The following ATXN7L1 variants were observed in gnomAD, a reference collection of about 807,000 sequenced individuals.
ATXN7L1 encodes ataxin 7 like 1.
A neutral mutation model predicts 70.8 loss-of-function variants in ATXN7L1; 15 were observed. The ratio of observed to expected loss-of-function variants is 0.21; its 90% CI spans 0.14 to 0.33. The LOEUF is 0.33. Ranked by LOEUF, ATXN7L1 falls within the 10% of genes least tolerant of loss-of-function variation. The probability of loss-of-function intolerance (pLI) is 1.00; values close to 1 mark genes in which losing one functional copy is unlikely to be tolerated. For synonymous variants in ATXN7L1, 440 were observed against 445.1 expected, an observed-to-expected ratio of 0.99 and a Z score of 0.14; for missense variants, 975 against 1,097.1, an observed-to-expected ratio of 0.89 and a Z score of 1.57.
intron 3 of ATXN7L1, among the ~76,000 whole-genome samples, chr7:105,703,731 G>A (rs1012179769): frequency 6.6e-6 from 1 of 152,182 alleles, no homozygotes; most frequent in Non-Finnish European, 1.5e-5. Flanking sequence ...ACCAAATCTG[G>A]ATGGTTTATG....
rs1562967665 is a variant in ATXN7L1, at chr7:105,662,075, CTTCCTTCT to C, written c.578+2983_578+2990del. On this transcript the variant is annotated intron_variant, in intron 4 of 11. Transcript: ENST00000419735. ...CCTTCCTTCCTTCCTTCCTTCCTTC[CTTCCTTCT>C]TTCTTTTCTTTTCTTTTCTTTTCTT... Among the ~76,000 whole-genome samples, 159 of 77,028 alleles carry C rather than the reference CTTCCTTCT, an allele frequency of 2.1e-3. 1 individual carries two copies. The highest frequency in any genetic ancestry group is 5.8e-3 in the African/African-American group (141 of 24,340). The allele number at this position is 77,028 out of a possible 152,430, so 50.5% of individuals were successfully genotyped here. A position where few individuals can be genotyped will look rare whatever the true frequency, so the allele number is the denominator to read the frequency against.
chr7:105,695,011 C>G (rs77245911), intron 3 of ATXN7L1, among the ~76,000 whole-genome samples: 9 of 152,164 alleles, frequency 5.9e-5, no homozygotes, highest in African/African-American at 2.2e-4. Flanking sequence ...ATTAGTTGGG[C>G]GTGGTGGCCG....
chr7:105,700,538 A>AG (rs1792317690), intron 3 of ATXN7L1, among the ~76,000 whole-genome samples: 1 of 148,392 alleles, frequency 6.7e-6, no homozygotes, highest in Admixed American at 6.7e-5. Flanking sequence ...AAAAAAGACA[A>AG]GGTCTCCTGG....
chr7:105,774,278 T>C (rs1802415151), intron 3 of ATXN7L1, among the ~76,000 whole-genome samples: 1 of 151,982 alleles, frequency 6.6e-6, no homozygotes, highest in Admixed American at 6.6e-5. Flanking sequence ...TTGGAGCTAG[T>C]GTCACTATCA....
intron 2 of ATXN7L1, among the ~76,000 whole-genome samples, chr7:105,810,453 A>G (rs1426403994): frequency 6.6e-6 from 1 of 152,242 alleles, no homozygotes; most frequent in Non-Finnish European, 1.5e-5. Flanking sequence ...GTAAAGTGTT[A>G]TAAAAAAACA....
At chr7:105,703,764 A>C (rs1234078913) in intron 3 of ATXN7L1, among the ~76,000 whole-genome samples, 1 of 152,196 alleles carries the variant, frequency 6.6e-6, no homozygotes, top group African/African-American at 2.4e-5. Flanking sequence ...TGCTTTGGGA[A>C]AACAGTGTAA....
chr7:105,795,936 T>C (rs1157744768), intron 2 of ATXN7L1, among the ~76,000 whole-genome samples: 3 of 152,236 alleles, frequency 2.0e-5, no homozygotes, highest in Non-Finnish European at 4.4e-5. Context: ...AACATAATTT[T>C]ATATAATTTA....
intron 3 of ATXN7L1, among the ~76,000 whole-genome samples, chr7:105,728,321 T>C (rs1796147310): frequency 6.6e-6 from 1 of 152,206 alleles, no homozygotes; most frequent in South Asian, 2.1e-4. Flanking sequence ...CCATGGGTTA[T>C]AATTCTCATA....
At chr7:105,764,392 G>A (rs969250154) in intron 3 of ATXN7L1, among the ~76,000 whole-genome samples, 2 of 151,902 alleles carry the variant, frequency 1.3e-5, no homozygotes, top group East Asian at 1.9e-4. Context: ...CAGCATCAGC[G>A]TCATCTGGGG....
At chr7:105,861,619 T>C (rs1816657898) in intron 2 of ATXN7L1, among the ~76,000 whole-genome samples, 1 of 152,038 alleles carries the variant, frequency 6.6e-6, no homozygotes, top group South Asian at 2.1e-4. Flanking sequence ...ATGAGCACTC[T>C]GTGGAGGAGA....
At chr7:105,650,882 T>C (rs1352675990) in intron 4 of ATXN7L1, among the ~76,000 whole-genome samples, 3 of 152,234 alleles carry the variant, frequency 2.0e-5, no homozygotes, top group Admixed American at 6.5e-5. Context: ...TATGACTGAA[T>C]TGAAGGTCTG....
chr7:105,863,601 G>A (rs79389912), intron 2 of ATXN7L1, among the ~76,000 whole-genome samples: 3,893 of 152,234 alleles, frequency 0.026, 67 homozygotes, highest in East Asian at 0.065. Flanking sequence ...CAGACATCAG[G>A]ACACAGTGCT....
intron 3 of ATXN7L1, among the ~76,000 whole-genome samples, chr7:105,694,707 G>A (rs1791482160): frequency 6.6e-6 from 1 of 152,208 alleles, no homozygotes; most frequent in Non-Finnish European, 1.5e-5. Context: ...GGGATTTGGA[G>A]AGGCTATGTG....
At chr7:105,737,118 G>A (rs1241697632) in intron 3 of ATXN7L1, among the ~76,000 whole-genome samples, 2 of 152,106 alleles carry the variant, frequency 1.3e-5, no homozygotes, top group Non-Finnish European at 2.9e-5. Context: ...TATGATTATT[G>A]GTCTATTCAG....
chr7:105,854,260 G>T (rs917875257), intron 2 of ATXN7L1, among the ~76,000 whole-genome samples: 2 of 151,916 alleles, frequency 1.3e-5, no homozygotes, highest in Admixed American at 6.6e-5. Context: ...AGGAAATGGC[G>T]GCAAGGAAAA....
chr7:105,876,006 T>C (rs1819221430), intron 1 of ATXN7L1, 126 bp from the exon 2 acceptor site: 5 of 904,070 alleles, frequency 5.5e-6, no homozygotes, highest in Non-Finnish European at 8.6e-6. Context: ...TATGAAATTC[T>C]TTCAAAAATT....
intron 8 of ATXN7L1, among the ~76,000 whole-genome samples, chr7:105,621,601 T>C (rs776043568): frequency 3.7e-4 from 56 of 152,168 alleles, no homozygotes; most frequent in Non-Finnish European, 6.2e-4. Context: ...TAATAAACAT[T>C]TGATTATGAT....
At chr7:105,655,523 T>C (rs1479908284) in intron 4 of ATXN7L1, among the ~76,000 whole-genome samples, 2 of 151,836 alleles carry the variant, frequency 1.3e-5, no homozygotes, top group African/African-American at 4.8e-5. Flanking sequence ...TGCTGAGGAA[T>C]GCAGGGCAGT....
intron 2 of ATXN7L1, among the ~76,000 whole-genome samples, chr7:105,871,668 C>T (rs1005285605): frequency 6.6e-6 from 1 of 151,360 alleles, no homozygotes; most frequent in Non-Finnish European, 1.5e-5. Flanking sequence ...CAAGATCATG[C>T]CATTGCACTC....
Sources: gnomAD v4.1 joint callset for allele counts (sites outside exome capture counted in the v4.1 genomes callset) on GRCh38, gnomAD v4.1.1 for gene constraint, MANE v1.5 for transcripts, NCBI Gene and HGNC (gene_info 2026-07-23, HGNC 2026-07-21) for gene names.